Variants in AGBL4 observed in about 807,000 individuals in gnomAD.
The protein encoded by AGBL4 is cytosolic carboxypeptidase 6.
Under a neutral mutation model 66.4 loss-of-function variants are expected in AGBL4, and 58 were observed. The ratio of observed to expected loss-of-function variants is 0.87; its 90% CI spans 0.71 to 1.09. AGBL4 has a LOEUF of 1.09. AGBL4 is among the 50% of genes least tolerant of loss of function. The pLI is 0.00. For missense variants in AGBL4, 579 were observed against 631.0 expected, an observed-to-expected ratio of 0.92 and a Z score of 0.88; for synonymous variants, 234 against 222.9, an observed-to-expected ratio of 1.05 and a Z score of -0.44.
intron 6 of AGBL4, among the ~76,000 whole-genome samples, chr1:48,763,608 C>T (rs1239847751): frequency 1.3e-5 from 2 of 152,042 alleles, no homozygotes; most frequent in Non-Finnish European, 2.9e-5. Context: ...AAGTTGAGGG[C>T]AAAGTCTGAC....
chr1:49,877,382 C>T (rs1339363969), intron 1 of AGBL4, among the ~76,000 whole-genome samples: 5 of 152,024 alleles, frequency 3.3e-5, no homozygotes, highest in Admixed American at 6.6e-5. Flanking sequence ...TTGTTGAATT[C>T]TGTCAAAGGC....
chr1:48,580,926 C>A (rs1388586923), intron 11 of AGBL4, among the ~76,000 whole-genome samples: 1 of 152,154 alleles, frequency 6.6e-6, no homozygotes, highest in Non-Finnish European at 1.5e-5. Context: ...TCTCCCTCTG[C>A]ATTCCATTCA....
chr1:48,643,282 G>A (rs181744480), intron 8 of AGBL4, among the ~76,000 whole-genome samples: 4 of 152,244 alleles, frequency 2.6e-5, no homozygotes, highest in Admixed American at 6.5e-5. Flanking sequence ...GTGGGCTGAC[G>A]CATTTCTGCC....
intron 3 of AGBL4, among the ~76,000 whole-genome samples, chr1:49,597,874 G>C (rs1257048975): frequency 6.6e-6 from 1 of 152,154 alleles, no homozygotes; most frequent in Non-Finnish European, 1.5e-5. Context: ...TTTCTATCCT[G>C]AGACTTTGCT....
intron 3 of AGBL4, among the ~76,000 whole-genome samples, chr1:49,484,553 C>T (rs1647023836): frequency 6.6e-6 from 1 of 151,680 alleles, no homozygotes; most frequent in Non-Finnish European, 1.5e-5. Context: ...AAAATTTAAA[C>T]AATTGAACTC....
intron 3 of AGBL4, among the ~76,000 whole-genome samples, chr1:49,657,594 C>G (rs978011190): frequency 2.0e-5 from 3 of 152,182 alleles, no homozygotes; most frequent in African/African-American, 7.2e-5. Context: ...ATCATGCTAC[C>G]TGACTTCAAA....
At chr1:49,327,859 T>A (rs959844485) in intron 3 of AGBL4, among the ~76,000 whole-genome samples, 2 of 152,138 alleles carry the variant, frequency 1.3e-5, no homozygotes, top group Non-Finnish European at 2.9e-5. Context: ...CTGCCACTGA[T>A]GGGAGATGAT....
chr1:48,723,857 T>C (rs1453170552), intron 6 of AGBL4, among the ~76,000 whole-genome samples: 4 of 152,230 alleles, frequency 2.6e-5, no homozygotes, highest in Non-Finnish European at 2.9e-5. Flanking sequence ...AAAATCTTCA[T>C]CTGGGTTTAA....
chr1:48,619,968 A>G (rs1005260144), intron 9 of AGBL4, among the ~76,000 whole-genome samples: 2 of 152,164 alleles, frequency 1.3e-5, no homozygotes, highest in African/African-American at 4.8e-5. Context: ...GGCTGTCGTC[A>G]GCCCTTAGGG....
rs534875818 is a variant in AGBL4 at position 49,153,116 on chromosome 1, T to C, written c.377+92654A>G. ...TGGGGCTTTGATACCACCTGGATTC[T>C]CCACTACAAGGTTTAGGTTTAGAAA... On this transcript the variant is annotated intron_variant, in intron 4 of 13. Transcript: ENST00000371839. Among the ~76,000 whole-genome samples the C allele has an allele frequency of 1.8e-3, 273 of 152,240 alleles. 1 individual carries two copies. The highest frequency in any genetic ancestry group is 6.4e-3 in the African/African-American group (265 of 41,546).
chr1:48,594,970 G>A (rs1644973911), intron 9 of AGBL4, among the ~76,000 whole-genome samples: 1 of 152,116 alleles, frequency 6.6e-6, no homozygotes, highest in Non-Finnish European at 1.5e-5. Context: ...ACACTTAGAG[G>A]ACAACAGCCA....
chr1:49,815,436 G>A (rs1178949420), intron 2 of AGBL4, among the ~76,000 whole-genome samples: 1 of 152,082 alleles, frequency 6.6e-6, no homozygotes, highest in Admixed American at 6.6e-5. Context: ...CACTTACATT[G>A]CTTCAAAATC....
intron 5 of AGBL4, among the ~76,000 whole-genome samples, chr1:48,988,300 G>C (rs970727563): frequency 4.6e-5 from 7 of 152,096 alleles, no homozygotes; most frequent in Non-Finnish European, 8.8e-5. Context: ...ATGTATGTTT[G>C]TATCTCCTTC....
chr1:50,000,967 T>C (rs1431552791), intron 1 of AGBL4, among the ~76,000 whole-genome samples: 1 of 151,922 alleles, frequency 6.6e-6, no homozygotes, highest in African/African-American at 2.4e-5. Flanking sequence ...AGTATGCTGC[T>C]TGGGTGATGG....
chr1:48,542,249 C>T (rs1273068839), intron 11 of AGBL4, among the ~76,000 whole-genome samples: 1 of 152,192 alleles, frequency 6.6e-6, no homozygotes, highest in African/African-American at 2.4e-5. Context: ...CATTGATGGG[C>T]ATTTGGGTTG....
At chr1:49,185,143 C>T (rs573891073) in intron 4 of AGBL4, among the ~76,000 whole-genome samples, 14 of 152,242 alleles carry the variant, frequency 9.2e-5, no homozygotes, top group East Asian at 3.9e-4. Context: ...GAACCAAACC[C>T]GGGTTTTCTT....
chr1:48,587,897 C>T (rs1644850111), intron 10 of AGBL4, among the ~76,000 whole-genome samples: 2 of 151,790 alleles, frequency 1.3e-5, no homozygotes, highest in South Asian at 4.2e-4. Context: ...CTGCCTCAGC[C>T]TCCCAAAGTG....
chr1:49,147,440 T>C (rs553764821), intron 4 of AGBL4, among the ~76,000 whole-genome samples: 7 of 152,276 alleles, frequency 4.6e-5, no homozygotes, highest in Admixed American at 3.3e-4. Flanking sequence ...AGCTAGCAAG[T>C]TGCCACTAGC....
intron 1 of AGBL4, among the ~76,000 whole-genome samples, chr1:49,959,005 C>G (rs954759046): frequency 5.3e-5 from 8 of 150,368 alleles, no homozygotes; most frequent in African/African-American, 2.4e-5. Flanking sequence ...ACATCAAAAG[C>G]AGCCCAAGAT....
Sources: allele counts gnomAD v4.1 joint callset (sites outside exome capture counted in the v4.1 genomes callset), GRCh38; gene constraint gnomAD v4.1.1; transcripts MANE v1.5; gene names NCBI Gene and HGNC (gene_info 2026-07-23, HGNC 2026-07-21).